KANK1: variants seen among roughly 807,000 people sequenced by gnomAD.
KANK1 encodes KN motif and ankyrin repeat domain-containing protein 1.
In KANK1, 109 loss-of-function variants were observed where a neutral mutation model predicts 106.2. The ratio of observed to expected loss-of-function variants is 1.03; its 90% confidence interval spans 0.88 to 1.20. The LOEUF is 1.20. KANK1 is among the 50% of genes most tolerant of loss of function. The pLI is 0.00. For synonymous variants in KANK1, 873 were observed against 652.2 expected, an observed-to-expected ratio of 1.34 and a Z score of -5.16; for missense variants, 2,399 against 1,710.7, an observed-to-expected ratio of 1.40 and a Z score of -7.10.
intron 1 of KANK1, among the ~76,000 whole-genome samples, chr9:592,568 G>C (rs1339374364): frequency 6.6e-6 from 1 of 151,718 alleles, no homozygotes; most frequent in Non-Finnish European, 1.5e-5. Context: ...GGTCAGACCT[G>C]GCAAGTATTT....
chr9:655,260 A>G (rs931497577), intron 1 of KANK1, among the ~76,000 whole-genome samples: 1 of 151,700 alleles, frequency 6.6e-6, no homozygotes, highest in Non-Finnish European at 1.5e-5. Flanking sequence ...AATCCCAGCT[A>G]CTCGGGAGGC....
At chr9:599,039 A>C (rs1024829766) in intron 1 of KANK1, among the ~76,000 whole-genome samples, 2 of 137,744 alleles carry the variant, frequency 1.5e-5, no homozygotes, top group African/African-American at 2.8e-5. Context: ...TTTTTTTGAG[A>C]CGGAGTTTCG....
intron 1 of KANK1, among the ~76,000 whole-genome samples, chr9:508,337 A>G (rs559786475): frequency 1.2e-4 from 18 of 151,014 alleles, no homozygotes; most frequent in African/African-American, 4.1e-4. Flanking sequence ...GGGTTTCTCC[A>G]TGTTGGTCAG....
intron 1 of KANK1, among the ~76,000 whole-genome samples, chr9:515,863 A>G (rs968904382): frequency 2.0e-5 from 3 of 151,866 alleles, no homozygotes; most frequent in Non-Finnish European, 4.4e-5. Flanking sequence ...CATAGTTTCA[A>G]GGAAACCTCA....
At chr9:499,665 A>G (rs1334259394) in intron 3 of KANK1, among the ~76,000 whole-genome samples, 1 of 152,208 alleles carries the variant, frequency 6.6e-6, no homozygotes, top group African/African-American at 2.4e-5. Context: ...AAACAGGAAA[A>G]GCCCTGAGGA....
In KANK1 at chr9:712,418, G is replaced by A. The variant is rs370250575; in HGVS notation, c.1652G>A (p.Cys551Tyr). Residue 551 changes from cysteine (C) to tyrosine (Y), a missense_variant, in exon 3 of 12, where the codon TGC becomes TAC. Cys to Tyr is a radical substitution (Grantham distance 194). Coordinates refer to ENST00000382297, the MANE Select transcript of KANK1 (RefSeq NM_015158.5). ...SVETNSVGISCQPECKNKVVG... is the reference protein window; with the variant it reads ...SVETNSVGISYQPECKNKVVG... The stretch of plus-strand genomic sequence containing the variant: ...GAAACAAACAGTGTAGGCATCTCCT[G>A]CCAGCCTGAATGTAAGAATAAAGTC... The A allele has an allele frequency of 1.4e-4, 224 of 1,614,180 alleles. No homozygotes were observed. The highest frequency in any genetic ancestry group is 1.2e-3 in the Middle Eastern group (7 of 6,062).
intron 1 of KANK1, among the ~76,000 whole-genome samples, chr9:638,298 C>T (rs1214846290): frequency 3.3e-5 from 5 of 152,268 alleles, no homozygotes; most frequent in South Asian, 2.1e-4. Context: ...ATGTGGTAAA[C>T]GCCTTCTTGC....
intron 1 of KANK1, among the ~76,000 whole-genome samples, chr9:579,683 C>T (rs1236029021): frequency 1.3e-5 from 2 of 152,100 alleles, no homozygotes; most frequent in African/African-American, 4.8e-5. Context: ...ATGGGAGGTC[C>T]ACCTCTGACC....
chr9:492,029 A>G lies in KANK1; in HGVS notation c.-362+18756A>G, dbSNP rs555720497. On this transcript the variant is annotated intron_variant, in intron 3 of 15. Transcript: ENST00000382303. ...ACTTCTTTCTTTTGTAAATTACCCA[A>G]TCTTGGGTATGTCTTTATCAACAGT... 2.6e-5 allele frequency: 4 copies of G among 152,288 alleles called. No individual in the cohort carries two copies. The East Asian group carries it at 5.8e-4, about 22-fold the overall frequency. 9.4% of individuals were successfully genotyped at this position (152,288 alleles called of 1,614,324 possible). A position where few individuals can be genotyped will look rare whatever the true frequency, so the allele number is the denominator to read the frequency against.
rs182550387 is a variant in KANK1 at position 697,421 on chromosome 9, C to T, written c.38-13383C>T. On this transcript the variant is annotated intron_variant, in intron 2 of 11. Transcript: ENST00000382297. ...CATGCCACAGAAAAGAGCTTTTAGG[C>T]TTTATTCTTTAAAATGGAGCTCCTG... Among the ~76,000 whole-genome samples, 159 of 152,096 alleles carry T rather than the reference C, an allele frequency of 1.0e-3. 1 individual carries two copies. The highest frequency in any genetic ancestry group is 3.7e-3 in the African/African-American group (152 of 41,450).
intron 1 of KANK1, among the ~76,000 whole-genome samples, chr9:542,081 T>TC (rs947483090): frequency 6.7e-6 from 1 of 150,112 alleles, no homozygotes; most frequent in Non-Finnish European, 1.5e-5. Context: ...AGAGCGAGAC[T>TC]CCGTCTCAAA....
chr9:559,214 C>G (rs560603510), intron 1 of KANK1, among the ~76,000 whole-genome samples: 2 of 152,158 alleles, frequency 1.3e-5, no homozygotes, highest in African/African-American at 4.8e-5. Context: ...TAGATTTATT[C>G]TAAACTAAAA....
At chr9:606,719 A>G (rs1169318864) in intron 1 of KANK1, among the ~76,000 whole-genome samples, 1 of 151,460 alleles carries the variant, frequency 6.6e-6, no homozygotes, top group East Asian at 1.9e-4. Flanking sequence ...ACAAAGGAAG[A>G]TTAAAGCTTT....
At chr9:578,098 G>C (rs1288930692) in intron 1 of KANK1, among the ~76,000 whole-genome samples, 2 of 152,156 alleles carry the variant, frequency 1.3e-5, no homozygotes, top group African/African-American at 2.4e-5. Flanking sequence ...AGAGGATACT[G>C]AACTGGCCAT....
intron 8 of KANK1, among the ~76,000 whole-genome samples, chr9:738,768 G>A (rs1834508308): frequency 1.3e-5 from 2 of 152,232 alleles, no homozygotes; most frequent in Admixed American, 6.5e-5. Flanking sequence ...GCATTCAAAA[G>A]TGAGAGGTGT....
At position 711,827 on chromosome 9, in the gene KANK1, T is replaced by C; in HGVS notation, c.1061T>C (p.Met354Thr). ...TACATTGACTATGAGGAGGAAGAAA[T>C]GGAGACCGTAGAACAGAGCACGCAG... ...ELYIDYEEEE[M>T]ETVEQSTQRI... The change falls in exon 3 of 12, where the codon ATG (methionine) becomes ACG (threonine). Residue 354 changes from methionine to threonine, a missense_variant. By Grantham distance (81) the Met-to-Thr change is moderately conservative (BLOSUM62 -1). Transcript: ENST00000382297. 6.2e-7 allele frequency: 1 copy of C among 1,613,758 alleles called. No homozygotes were observed. The highest frequency in any genetic ancestry group is 8.5e-7 in the Non-Finnish European group (1 of 1,179,962).
In KANK1 at chr9:734,854, C is replaced by G. The variant is rs28513939; in HGVS notation, c.3333+19C>G. On this transcript the variant is annotated intron_variant, in intron 7 of 11. Transcript: ENST00000382297. ...AGATATGGTGAGTCTGACCTGCAAA[C>G]ACCATCCCCAGTGTGTACAAAGTGC... is the stretch of plus-strand genomic sequence containing the variant. The G allele has an allele frequency of 0.16, 249,135 of 1,574,250 alleles. 21,442 individuals are homozygous for G. The highest frequency in any genetic ancestry group is 0.21 in the Admixed American group (12,592 of 59,908).
intron 2 of KANK1, chr9:707,090 G>T: frequency 1.0e-6 from 1 of 985,474 alleles, no homozygotes; most frequent in Non-Finnish European, 1.2e-6. Context: ...TGAAAGCTCA[G>T]CCTATGGCAT....
chr9:694,803 G>A (rs1820835129), intron 2 of KANK1, among the ~76,000 whole-genome samples: 1 of 152,114 alleles, frequency 6.6e-6, no homozygotes, highest in African/African-American at 2.4e-5. Context: ...ACTGCACTGG[G>A]GATTGTTAGG....
Sources: allele counts gnomAD v4.1 joint callset (sites outside exome capture counted in the v4.1 genomes callset), GRCh38; gene constraint gnomAD v4.1.1; transcripts MANE v1.5; gene names NCBI Gene and HGNC (gene_info 2026-07-23, HGNC 2026-07-21).